ARSJ: variants seen among roughly 807,000 people sequenced by gnomAD.
ARSJ encodes the protein arylsulfatase family member J, also known as arylsulfatase J.
A neutral mutation model predicts 35.9 loss-of-function variants in ARSJ; 26 were observed. The observed-to-expected ratio is 0.72, with a 90% confidence interval of 0.53 to 1.00. The LOEUF (loss-of-function observed/expected upper bound fraction) is 1.00. ARSJ is among the 50% of genes least tolerant of loss of function. ARSJ has a pLI of 0.00. For synonymous variants in ARSJ, 294 were observed against 267.6 expected (o/e 1.10, Z -0.96); for missense variants, 667 against 723.6 (o/e 0.92, Z 0.90).
chr4:113,927,924 G>A (rs1311535942), intron 1 of ARSJ, among the ~76,000 whole-genome samples: 1 of 152,100 alleles, frequency 6.6e-6, no homozygotes, highest in Non-Finnish European at 1.5e-5. Flanking sequence ...GCTCCCATTT[G>A]GCCTTTCCCA....
chr4:113,935,116 A>G (rs1022433439), intron 1 of ARSJ, among the ~76,000 whole-genome samples: 1 of 151,944 alleles, frequency 6.6e-6, no homozygotes, highest in Admixed American at 6.6e-5. Context: ...ATAAAACTTT[A>G]AAATGTATTT....
chr4:113,904,376 T>G (rs2099668089), intron 1 of ARSJ, among the ~76,000 whole-genome samples: 1 of 152,246 alleles, frequency 6.6e-6, no homozygotes. Flanking sequence ...AGGGGCCTTC[T>G]AAATCATTAG....
chr4:113,926,327 C>A (rs1170999215), intron 1 of ARSJ, among the ~76,000 whole-genome samples: 1 of 152,150 alleles, frequency 6.6e-6, no homozygotes, highest in African/African-American at 2.4e-5. Flanking sequence ...TCCTTCCATG[C>A]AAAATGCACA....
At chr4:113,944,097 GT>G (rs1246748344) in intron 1 of ARSJ, 1 of 152,114 alleles carries the variant, frequency 6.6e-6, no homozygotes, top group African/African-American at 2.4e-5. Flanking sequence ...AGCAAGTGAT[GT>G]TTGTGGTTTG....
intron 1 of ARSJ, among the ~76,000 whole-genome samples, chr4:113,954,678 T>C (rs1726058408): frequency 6.6e-6 from 1 of 152,062 alleles, no homozygotes; most frequent in African/African-American, 2.4e-5. Flanking sequence ...TAGGTGATAA[T>C]TTATCTCATA....
At chr4:113,969,322 A>ATAAAATATATTAAAAT (rs1280458694) in intron 1 of ARSJ, among the ~76,000 whole-genome samples, 1 of 151,842 alleles carries the variant, frequency 6.6e-6, no homozygotes, top group East Asian at 1.9e-4. Context: ...ACCATGCCAG[A>ATAAAATATATTAAAAT]TAAAATATAT....
intron 1 of ARSJ, among the ~76,000 whole-genome samples, chr4:113,954,754 T>G (rs1726063056): frequency 6.6e-6 from 1 of 152,078 alleles, no homozygotes; most frequent in African/African-American, 2.4e-5. Context: ...TTGCTGAAAA[T>G]GGAATCTTAT....
chr4:113,927,844 T>A (rs558645688), intron 1 of ARSJ, among the ~76,000 whole-genome samples: 12 of 152,148 alleles, frequency 7.9e-5, no homozygotes, highest in Non-Finnish European at 1.5e-4. Context: ...GACACTAATC[T>A]CTGCAATCCA....
intron 1 of ARSJ, among the ~76,000 whole-genome samples, chr4:113,950,509 T>C (rs1388968974): frequency 6.6e-6 from 1 of 151,830 alleles, no homozygotes; most frequent in Non-Finnish European, 1.5e-5. Flanking sequence ...TGAGAAACAT[T>C]ATCCAACAGT....
At chr4:113,931,786 A>G (rs1182331235) in intron 1 of ARSJ, among the ~76,000 whole-genome samples, 2 of 152,090 alleles carry the variant, frequency 1.3e-5, no homozygotes, top group Admixed American at 6.6e-5. Flanking sequence ...GAAACACAAG[A>G]AACGCTTGAT....
At position 113,903,009 on chromosome 4, in the gene ARSJ, A is replaced by G; in HGVS notation, c.1065T>C (p.Ala355=). ...GAAGTGGGCTATGCACAAAGCCTAC[A>G]GCCCGGATCCCTCCTTCCCAATATG... ...KGTYWEGGIR[A]VGFVHSPLLK... is the part of the protein sequence containing the mutation. Residue 355 remains alanine, a synonymous_variant, in exon 2 of 2, where the codon GCT becomes GCC. Transcript: ENST00000315366. The G allele has an allele frequency of 6.2e-7, 1 of 1,614,190 alleles. No individual in the cohort carries two copies. Among genetic ancestry groups the G allele is most frequent in the Non-Finnish European group, 8.5e-7 (1 of 1,180,042 alleles).
In ARSJ at chr4:113,950,156, G is replaced by T. The variant is rs191363186; in HGVS notation, c.398+28281C>A. The stretch of plus-strand genomic sequence containing the variant: ...TGATTACACGGCCCTAATAATGTGG[G>T]ACTGTCTGAAAGGAGAAACCTGTTT... On this transcript the variant is annotated intron_variant, in intron 1 of 1. Coordinates refer to ENST00000315366, the MANE Select transcript of ARSJ (RefSeq NM_024590.4). Among the ~76,000 whole-genome samples the T allele has an allele frequency of 7.1e-3, 1,082 of 152,174 alleles. 10 individuals are homozygous for T. Among genetic ancestry groups the T allele is most frequent in the Middle Eastern group, 0.014 (4 of 294 alleles).
At chr4:113,939,661 G>C (rs1239769516) in intron 1 of ARSJ, among the ~76,000 whole-genome samples, 1 of 152,064 alleles carries the variant, frequency 6.6e-6, no homozygotes, top group Non-Finnish European at 1.5e-5. Flanking sequence ...CTGATGGCCA[G>C]TGATGATGAG....
Position 113,978,962 on chromosome 4 carries a change from G to T in ARSJ, c.-128C>A. 2.0e-6 allele frequency: 2 copies of T among 993,876 alleles called. No homozygotes were observed. The highest frequency in any genetic ancestry group is 2.9e-6 in the Non-Finnish European group (2 of 683,062). The allele number at this position is 993,876 out of a possible 1,614,324, so 61.6% of individuals were successfully genotyped here. A position where few individuals can be genotyped will look rare whatever the true frequency, so the allele number is the denominator to read the frequency against. ...AAGAAATCCTCCTCTCCTCTCAGCT[G>T]TCACCATGTCCGACAACTTTAATCT... is the stretch of plus-strand genomic sequence containing the variant. On this transcript the variant is annotated 5_prime_UTR_variant, in exon 1 of 2. Coordinates refer to ENST00000315366, the MANE Select transcript of ARSJ (RefSeq NM_024590.4).
chr4:113,978,970 G>C lies in ARSJ; in HGVS notation c.-136C>G. 2.2e-6 allele frequency: 2 copies of C among 909,330 alleles called. No homozygotes were observed. The highest frequency in any genetic ancestry group is 3.3e-6 in the Non-Finnish European group (2 of 610,438). The allele number at this position is 909,330 out of a possible 1,614,324, so 56.3% of individuals were successfully genotyped here. A position where few individuals can be genotyped will look rare whatever the true frequency, so the allele number is the denominator to read the frequency against. ...CTCCTCTCCTCTCAGCTGTCACCATGTCCGACAACTTTAATCTTCCAGAAG... is the reference window on the plus strand; with the variant it reads ...CTCCTCTCCTCTCAGCTGTCACCATCTCCGACAACTTTAATCTTCCAGAAG... On this transcript the variant is annotated 5_prime_UTR_variant, in exon 1 of 2. Transcript: ENST00000315366.
chr4:113,947,986 C>T (rs1594472638), intron 1 of ARSJ, among the ~76,000 whole-genome samples: 2 of 151,696 alleles, frequency 1.3e-5, no homozygotes, highest in African/African-American at 2.4e-5. Context: ...GCCAGGAGTT[C>T]GAGACCAGCC....
chr4:113,931,710 A>T (rs1256409549), intron 1 of ARSJ, among the ~76,000 whole-genome samples: 1 of 152,118 alleles, frequency 6.6e-6, no homozygotes, highest in African/African-American at 2.4e-5. Context: ...GCAAGAAAAA[A>T]GTAATAATTG....
rs557012596 is a variant in ARSJ, at chr4:113,950,895, T to C, written c.398+27542A>G. ...AATTTGCATACAGTTGAAGCACTGG[T>C]ATACTGACGTGGTGTCCTGTTGTTC... On this transcript the variant is annotated intron_variant, in intron 1 of 1. Coordinates refer to ENST00000315366, the MANE Select transcript of ARSJ (RefSeq NM_024590.4). Among the ~76,000 whole-genome samples the C allele has an allele frequency of 4.1e-4, 63 of 152,174 alleles. 2 individuals carry two copies. Among genetic ancestry groups the C allele is most frequent in the African/African-American group, 1.5e-3 (63 of 41,548 alleles).
chr4:113,911,144 G>A (rs555639099), intron 1 of ARSJ, among the ~76,000 whole-genome samples: 2 of 152,296 alleles, frequency 1.3e-5, no homozygotes, highest in East Asian at 3.9e-4. Flanking sequence ...TTCAGTGAGA[G>A]AAGCAGAATG....
Sources: allele counts gnomAD v4.1 joint callset (sites outside exome capture counted in the v4.1 genomes callset), GRCh38; gene constraint gnomAD v4.1.1; transcripts MANE v1.5; gene names NCBI Gene and HGNC (gene_info 2026-07-23, HGNC 2026-07-21).